Variants in ZNF169 observed in about 807,000 individuals in gnomAD.
ZNF169 encodes the protein zinc finger protein 169.
A neutral mutation model predicts 12.0 loss-of-function variants in ZNF169; 11 were observed. The observed-to-expected ratio is 0.92, with a 90% CI of 0.58 to 1.52. ZNF169 has a LOEUF of 1.52. Among genes scored for constraint, ZNF169 ranks in the 40% most tolerant of loss-of-function variants. The pLI, the probability that ZNF169 is intolerant of heterozygous loss-of-function variation, is 0.00. For synonymous variants in ZNF169, 302 were observed against 286.5 expected, an observed-to-expected ratio of 1.05 and a Z score of -0.55; for missense variants, 722 against 744.0, an observed-to-expected ratio of 0.97 and a Z score of 0.34.
chr9:94,270,486 G>A (rs1357650030), intron 1 of ZNF169, among the ~76,000 whole-genome samples: 1 of 148,424 alleles, frequency 6.7e-6, no homozygotes, highest in Admixed American at 6.9e-5. Flanking sequence ...TGGTATTAGT[G>A]CTATGTTTTT....
intron 1 of ZNF169, among the ~76,000 whole-genome samples, chr9:94,273,871 G>A (rs185354897): frequency 6.6e-5 from 10 of 152,066 alleles, no homozygotes; most frequent in African/African-American, 2.4e-4. Context: ...GAGCCACTGC[G>A]CCCGGCCAAA....
At chr9:94,299,241 C>T (rs1480307074) in intron 4 of ZNF169, among the ~76,000 whole-genome samples, 1 of 152,206 alleles carries the variant, frequency 6.6e-6, no homozygotes, top group Non-Finnish European at 1.5e-5. Flanking sequence ...CAGGAGACAA[C>T]TCACATCAGG....
chr9:94,301,195 A>G lies in ZNF169; in HGVS notation c.1637A>G (p.Glu546Gly). ...GGAGAGAAGCCCTGCATTTGCGATG[A>G]ATGTGGGCGCGGCTTTGGCTTTAAG... ...HSGEKPCICD[E>G]CGRGFGFKSA... The change falls in exon 5 of 5, where the codon GAA becomes GGA. Residue 546 changes from glutamate (E) to glycine (G), a missense_variant. Coordinates refer to ENST00000395395, the MANE Select transcript of ZNF169 (RefSeq NM_194320.4). The G allele has an allele frequency of 6.2e-7, 1 of 1,614,174 alleles. No individual in the cohort carries two copies. Among genetic ancestry groups the G allele is most frequent in the African/African-American group, 1.3e-5 (1 of 75,052 alleles).
intron 4 of ZNF169, chr9:94,293,287 C>T (rs1280935419): frequency 3.3e-6 from 2 of 597,100 alleles, no homozygotes; most frequent in Non-Finnish European, 6.0e-6. Flanking sequence ...ATCAGGGAGC[C>T]TCACTCCTCA....
chr9:94,274,843 T>C (rs1830493580), intron 1 of ZNF169, among the ~76,000 whole-genome samples: 1 of 152,208 alleles, frequency 6.6e-6, no homozygotes, highest in South Asian at 2.1e-4. Flanking sequence ...CTATAGAATA[T>C]GGGTTGTTTA....
At chr9:94,261,189 G>A (rs1302650880) in intron 1 of ZNF169, among the ~76,000 whole-genome samples, 3 of 152,026 alleles carry the variant, frequency 2.0e-5, no homozygotes, top group African/African-American at 7.2e-5. Flanking sequence ...CTACAGGCAC[G>A]CGCTACCACA....
At chr9:94,280,328 C>T (rs1830605444) in intron 2 of ZNF169, among the ~76,000 whole-genome samples, 2 of 152,000 alleles carry the variant, frequency 1.3e-5, no homozygotes, top group Non-Finnish European at 1.5e-5. Flanking sequence ...TTTTTTCTTC[C>T]GTGTGTTGCA....
At chr9:94,266,451 T>C (rs1830295636) in intron 1 of ZNF169, among the ~76,000 whole-genome samples, 1 of 152,162 alleles carries the variant, frequency 6.6e-6, no homozygotes, top group African/African-American at 2.4e-5. Context: ...CCAGTAGCAG[T>C]CTCTGTTTTG....
chr9:94,292,930 G>A, intron 3 of ZNF169, 44 bp from the exon 4 acceptor site: 1 of 1,546,854 alleles, frequency 6.5e-7, no homozygotes, highest in Non-Finnish European at 8.8e-7. Context: ...AGCCTCTTAA[G>A]CCACTAACTC....
At chr9:94,266,785 A>C (rs62578818) in intron 1 of ZNF169, among the ~76,000 whole-genome samples, 56,836 of 152,014 alleles carry the variant, frequency 0.37, 11,036 homozygotes, top group Middle Eastern at 0.45. Context: ...TTTTTGAAAC[A>C]TAATTTTTCT....
intron 1 of ZNF169, among the ~76,000 whole-genome samples, chr9:94,276,205 G>T (rs1408832557): frequency 6.6e-6 from 1 of 152,140 alleles, no homozygotes; most frequent in Admixed American, 6.5e-5. Flanking sequence ...ATCATGTGCA[G>T]GTTTCCTCAA....
Position 94,300,213 on chromosome 9 carries a change from C to G in ZNF169, c.655C>G (p.Leu219Val). ...AGCAGTCATACGTGGAAACTATAGA[C>G]TGGGACTTAGCAAAAAGTCAAGCCT... ...SGAVIRGNYR[L>V]GLSKKSSLFS... is the part of the protein sequence containing the mutation. Residue 219 changes from leucine to valine, a missense_variant, in exon 5 of 5, where the codon CTG (leucine) becomes GTG (valine). Transcript: ENST00000395395. 6.2e-7 allele frequency: 1 copy of G among 1,614,200 alleles called. No homozygotes were observed. The highest frequency in any genetic ancestry group is 8.5e-7 in the Non-Finnish European group (1 of 1,180,036).
intron 2 of ZNF169, among the ~76,000 whole-genome samples, chr9:94,291,154 A>G (rs566984249): frequency 3.1e-4 from 46 of 147,492 alleles, no homozygotes; most frequent in Admixed American, 1.4e-3. Flanking sequence ...TCCCAGGTTC[A>G]AGCAATTCTC....
At chr9:94,288,597 G>A in intron 2 of ZNF169, 1 of 418,754 alleles carries the variant, frequency 2.4e-6, no homozygotes, top group South Asian at 2.0e-5. Flanking sequence ...TATGACAGGG[G>A]CTCTGGTGCA....
chr9:94,268,112 C>T lies in ZNF169; in HGVS notation c.-56+8767C>T, dbSNP rs528904697. ...CTTGAACGCCCGACCTCAGGTGATC[C>T]GCCCACCTCGGCCTCCCAAAGTGCT... On this transcript the variant is annotated intron_variant, in intron 1 of 4. Coordinates refer to ENST00000395395, the MANE Select transcript of ZNF169 (RefSeq NM_194320.4). 1.6e-3 allele frequency among the ~76,000 whole-genome samples: 249 copies of T among 151,954 alleles called. 1 individual carries two copies. Among genetic ancestry groups the T allele is most frequent in the African/African-American group, 5.5e-3 (229 of 41,458 alleles).
At chr9:94,277,798 G>A (rs1218836695) in intron 1 of ZNF169, among the ~76,000 whole-genome samples, 1 of 151,914 alleles carries the variant, frequency 6.6e-6, no homozygotes, top group Non-Finnish European at 1.5e-5. Flanking sequence ...CGGGCGTGAT[G>A]GCGGGCGCCT....
chr9:94,292,556 AAC>A, intron 3 of ZNF169, 89 bp downstream of exon 3: 1 of 1,536,152 alleles, frequency 6.5e-7, no homozygotes. Context: ...GACTCAGAAA[AAC>A]AGTTTTTTCC....
intron 4 of ZNF169, chr9:94,295,340 A>G (rs1830928819): frequency 6.6e-6 from 1 of 152,222 alleles, no homozygotes; most frequent in Non-Finnish European, 1.5e-5. Context: ...AAAAAAATAA[A>G]GTAAAATAAT....
intron 1 of ZNF169, among the ~76,000 whole-genome samples, chr9:94,269,686 C>T (rs1465020273): frequency 2.0e-5 from 3 of 152,054 alleles, no homozygotes; most frequent in African/African-American, 4.8e-5. Flanking sequence ...ATTTCTGTAA[C>T]CGGTTACAGG....
Sources: gnomAD v4.1 joint callset for allele counts (sites outside exome capture counted in the v4.1 genomes callset) on GRCh38, gnomAD v4.1.1 for gene constraint, MANE v1.5 for transcripts, NCBI Gene and HGNC (gene_info 2026-07-23, HGNC 2026-07-21) for gene names.